The following DLGAP2 variants were observed in gnomAD, a reference collection of about 807,000 sequenced individuals.
DLGAP2 encodes the protein disks large-associated protein 2.
Under a neutral mutation model 100.3 loss-of-function variants are expected in DLGAP2, and 26 were observed. The ratio of observed to expected loss-of-function variants is 0.26; its 90% confidence interval spans 0.19 to 0.36. The LOEUF (loss-of-function observed/expected upper bound fraction) is 0.36, where lower values mean the gene tolerates loss of function less well. Among genes scored for constraint, DLGAP2 ranks in the 10% least tolerant of loss-of-function variants. The probability of loss-of-function intolerance (pLI) is 1.00; values close to 1 mark genes in which losing one functional copy is unlikely to be tolerated. For missense variants in DLGAP2, 1,858 were observed against 1,453.2 expected (o/e 1.28, Z -4.53); for synonymous variants, 886 against 630.1 (o/e 1.41, Z -6.08).
Position 1,548,980 on chromosome 8 carries a change from G to C in DLGAP2, c.527G>C (p.Cys176Ser). The C allele has an allele frequency of 6.9e-6, 11 of 1,599,360 alleles. No homozygotes were observed. Among genetic ancestry groups the C allele is most frequent in the Non-Finnish European group, 7.6e-6 (9 of 1,179,390 alleles). Reference protein sequence around the residue: ...YSSHYDTRDDCAVAHAGAKIN... With the variant: ...YSSHYDTRDDSAVAHAGAKIN... ...TCGCACTACGACACGCGCGACGACT[G>C]CGCTGTGGCCCACGCGGGCGCCAAG... The change falls in exon 5 of 15, where the codon TGC (cysteine) becomes TCC (serine). Residue 176 changes from cysteine (C) to serine (S), a missense_variant. Transcript: ENST00000637795.
At chr8:1,488,817 C>G (rs1799296282) in intron 3 of DLGAP2, among the ~76,000 whole-genome samples, 1 of 152,190 alleles carries the variant, frequency 6.6e-6, no homozygotes, top group South Asian at 2.1e-4. Context: ...ACTATGATGT[C>G]CAGAGATCAC....
rs75630424 is a variant in DLGAP2, at chr8:1,418,491, C to T, written c.107-82875C>T. Among the ~76,000 whole-genome samples the T allele has an allele frequency of 2.2e-3, 331 of 152,288 alleles. 1 individual carries two copies. Among genetic ancestry groups the T allele is most frequent in the Non-Finnish European group, 3.7e-3 (250 of 68,032 alleles). ...TCGTTAACTTCTTTCTCTCTTTTAA[C>T]CCCAAACCCACGATTTATGTCTCTA... On this transcript the variant is annotated intron_variant, in intron 3 of 14. Transcript: ENST00000637795.
At chr8:1,552,206 C>T (rs1208003189) in intron 5 of DLGAP2, among the ~76,000 whole-genome samples, 1 of 152,194 alleles carries the variant, frequency 6.6e-6, no homozygotes, top group East Asian at 1.9e-4. Context: ...GTTATCGTGC[C>T]GACATTGGGA....
chr8:1,090,768 T>C (rs1409948148), intron 2 of DLGAP2, among the ~76,000 whole-genome samples: 2 of 152,210 alleles, frequency 1.3e-5, no homozygotes, highest in East Asian at 3.9e-4. Context: ...GTTGTTGTTG[T>C]TGTTATTATT....
chr8:859,987 G>A (rs1326308650), intron 1 of DLGAP2, among the ~76,000 whole-genome samples: 1 of 152,196 alleles, frequency 6.6e-6, no homozygotes, highest in Non-Finnish European at 1.5e-5. Flanking sequence ...GCTTATTAGT[G>A]TTAATGGTGG....
intron 2 of DLGAP2, among the ~76,000 whole-genome samples, chr8:947,067 G>C (rs1478148205): frequency 1.3e-5 from 2 of 152,214 alleles, no homozygotes; most frequent in Non-Finnish European, 2.9e-5. Context: ...CCTCCCAAGA[G>C]AGACTTTCTA....
intron 2 of DLGAP2, among the ~76,000 whole-genome samples, chr8:915,472 AG>A (rs1469562690): frequency 2.6e-5 from 4 of 151,964 alleles, no homozygotes; most frequent in Non-Finnish European, 4.4e-5. Context: ...GTGTGAGCCC[AG>A]GAGGCGGAGC....
intron 2 of DLGAP2, among the ~76,000 whole-genome samples, chr8:1,121,282 T>A (rs1158572841): frequency 6.6e-6 from 1 of 151,592 alleles, no homozygotes; most frequent in Non-Finnish European, 1.5e-5. Context: ...CCTCCCATCC[T>A]CGTCCAGTTA....
chr8:1,630,812 C>T (rs73543234), intron 7 of DLGAP2, among the ~76,000 whole-genome samples: 1 of 152,084 alleles, frequency 6.6e-6, no homozygotes, highest in African/African-American at 2.4e-5. Flanking sequence ...TATGTCCATG[C>T]CGTTTCCTCC....
rs1038434455 is a variant in DLGAP2, at chr8:737,656, G to A, written c.-152G>A. 4 of 355,246 alleles carry A rather than the reference G, an allele frequency of 1.1e-5. No individual in the cohort carries two copies. Among genetic ancestry groups the A allele is most frequent in the Admixed American group, 4.7e-5 (1 of 21,172 alleles). The allele number at this position is 355,246 out of a possible 1,614,324, so 22.0% of individuals were successfully genotyped here. A position where few individuals can be genotyped will look rare whatever the true frequency, so the allele number is the denominator to read the frequency against. ...CCGACCGTGCGCCGGGCTCGAGCGC[G>A]GTCTGAGCGCGCGGCGCCTGCGGCG... On this transcript the variant is annotated 5_prime_UTR_variant, in exon 1 of 15. Transcript: ENST00000637795.
chr8:1,043,265 GAT>G (rs1458844730), intron 2 of DLGAP2, among the ~76,000 whole-genome samples: 25 of 117,118 alleles, frequency 2.1e-4, no homozygotes, highest in South Asian at 6.1e-4. Context: ...GTGGGTGGTG[GAT>G]GTGGGTGGTG....
At chr8:880,966 T>A (rs1797778756) in intron 1 of DLGAP2, among the ~76,000 whole-genome samples, 1 of 152,250 alleles carries the variant, frequency 6.6e-6, no homozygotes, top group Admixed American at 6.5e-5. Context: ...CAGCCAACTT[T>A]CTATCTCCAG....
At chr8:1,088,583 C>T (rs1804054702) in intron 2 of DLGAP2, among the ~76,000 whole-genome samples, 1 of 152,166 alleles carries the variant, frequency 6.6e-6, no homozygotes, top group Admixed American at 6.5e-5. Flanking sequence ...TTAGCTGTGG[C>T]TTCTTCCAGG....
chr8:1,253,994 C>T (rs1799111969), intron 2 of DLGAP2, among the ~76,000 whole-genome samples: 1 of 152,196 alleles, frequency 6.6e-6, no homozygotes, highest in African/African-American at 2.4e-5. Context: ...TTTTGGTTCG[C>T]GTTGGACGAG....
At chr8:865,813 C>T (rs1797483807) in intron 1 of DLGAP2, among the ~76,000 whole-genome samples, 2 of 152,136 alleles carry the variant, frequency 1.3e-5, no homozygotes, top group Admixed American at 6.5e-5. Flanking sequence ...ATGGGTCTGC[C>T]CAGCTACAGG....
At chr8:1,039,914 G>A (rs367779658) in intron 2 of DLGAP2, among the ~76,000 whole-genome samples, 1,599 of 146,710 alleles carry the variant, frequency 0.011, 29 homozygotes, top group African/African-American at 0.038. Context: ...CTCGGTGTGC[G>A]TGGTCAGCTC....
chr8:1,280,157 C>T (rs1202384080), intron 3 of DLGAP2, among the ~76,000 whole-genome samples: 1 of 152,140 alleles, frequency 6.6e-6, no homozygotes, highest in Non-Finnish European at 1.5e-5. Flanking sequence ...TCCTTTCATT[C>T]ATTCCTGATG....
rs73670722 is a variant in DLGAP2, at chr8:1,304,071, T to C, written c.106+45188T>C. On this transcript the variant is annotated intron_variant, in intron 3 of 14. Coordinates refer to ENST00000637795, the MANE Select transcript of DLGAP2 (RefSeq NM_001346810.2). The stretch of plus-strand genomic sequence containing the variant: ...CAGACTGCAAAGGTCAGCAGCAGAA[T>C]TGGGGGAGAGGGGTTTTACTGCATT... Among the ~76,000 whole-genome samples, 210 of 152,274 alleles carry C rather than the reference T, an allele frequency of 1.4e-3. 1 individual carries two copies. Among genetic ancestry groups the C allele is most frequent in the African/African-American group, 4.7e-3 (194 of 41,560 alleles).
intron 3 of DLGAP2, among the ~76,000 whole-genome samples, chr8:1,494,615 C>T (rs1156441877): frequency 1.3e-5 from 2 of 152,058 alleles, no homozygotes; most frequent in Non-Finnish European, 2.9e-5. Flanking sequence ...TGTAGTCTCA[C>T]CTATTGGGCG....
Sources: allele counts gnomAD v4.1 joint callset (sites outside exome capture counted in the v4.1 genomes callset), GRCh38; gene constraint gnomAD v4.1.1; transcripts MANE v1.5; gene names NCBI Gene and HGNC (gene_info 2026-07-23, HGNC 2026-07-21).